Variants in ATP13A5 observed in about 807,000 individuals in gnomAD.
ATP13A5 encodes the protein ATPase 13A5.
A neutral mutation model predicts 150.2 loss-of-function variants in ATP13A5; 149 were observed. That is an observed-to-expected ratio of 0.99 (90% CI 0.87 to 1.14). The LOEUF is 1.14. ATP13A5 is among the 50% of genes most tolerant of loss of function. The probability of loss-of-function intolerance (pLI) is 0.00; values close to 1 mark genes in which losing one functional copy is unlikely to be tolerated. For missense variants in ATP13A5, 1,383 were observed against 1,449.3 expected (o/e 0.95, Z 0.74); for synonymous variants, 497 against 522.2 (o/e 0.95, Z 0.66).
chr3:193,287,094 A>T (rs1444523334), intron 26 of ATP13A5, among the ~76,000 whole-genome samples: 1 of 152,172 alleles, frequency 6.6e-6, no homozygotes, highest in East Asian at 1.9e-4. Context: ...GAAAGAGGTG[A>T]GGAAGCTGCA....
chr3:193,372,976 G>C (rs1239066434), intron 1 of ATP13A5, among the ~76,000 whole-genome samples: 1 of 152,176 alleles, frequency 6.6e-6, no homozygotes, highest in Non-Finnish European at 1.5e-5. Context: ...AAACAGGAGA[G>C]AGCCAACAGG....
intron 14 of ATP13A5, chr3:193,324,013 T>G (rs1026460020): frequency 6.6e-6 from 1 of 152,156 alleles, no homozygotes; most frequent in African/African-American, 2.4e-5. Flanking sequence ...GTTTGGCTCT[T>G]CATTGTGCTC....
Position 193,338,140 on chromosome 3 carries a change from G to A in ATP13A5, c.944-3041C>T, listed in dbSNP as rs541409151. 2.3e-3 allele frequency among the ~76,000 whole-genome samples: 350 copies of A among 152,228 alleles called. 3 individuals are homozygous for A. Among genetic ancestry groups the A allele is most frequent in the African/African-American group, 7.8e-3 (323 of 41,556 alleles). On this transcript the variant is annotated intron_variant, in intron 9 of 29. Coordinates refer to ENST00000342358, the MANE Select transcript of ATP13A5 (RefSeq NM_198505.4). The stretch of plus-strand genomic sequence containing the variant: ...GCTTAAGGAGATTTTGTGCTGAGAC[G>A]ATGGGGTTTTCTAAATATACAATCA...
At chr3:193,352,328 C>T (rs1712594430) in intron 6 of ATP13A5, among the ~76,000 whole-genome samples, 1 of 152,160 alleles carries the variant, frequency 6.6e-6, no homozygotes, top group African/African-American at 2.4e-5. Context: ...ATAAAATGCT[C>T]TGATTGTAGA....
chr3:193,324,536 A>T (rs1445214234), intron 14 of ATP13A5, among the ~76,000 whole-genome samples: 1 of 152,150 alleles, frequency 6.6e-6, no homozygotes, highest in East Asian at 1.9e-4. Context: ...TTGAGGTCAG[A>T]TAGGTTCGGT....
Position 193,314,145 on chromosome 3 carries a change from A to T in ATP13A5, c.2207T>A (p.Ile736Asn), listed in dbSNP as rs1333287653. ...AITVAKNSEM[I>N]PPGSQVIIVE... The stretch of plus-strand genomic sequence containing the variant: ...AATGATCACTTGGCTGCCTGGAGGG[A>T]TCATTTCAGAATTCTTTGCAACAGT... Residue 736 changes from isoleucine (I) to asparagine (N), a missense_variant, in exon 19 of 30, where the codon ATC becomes AAC. Physicochemically the swap from Ile to Asn is moderately radical, Grantham distance 149 (BLOSUM62 -3). Coordinates refer to ENST00000342358, the MANE Select transcript of ATP13A5 (RefSeq NM_198505.4). 6.2e-7 allele frequency: 1 copy of T among 1,613,866 alleles called. No homozygotes were observed. Among genetic ancestry groups the T allele is most frequent in the Non-Finnish European group, 8.5e-7 (1 of 1,179,844 alleles).
chr3:193,365,103 C>T (rs548375054), intron 1 of ATP13A5, among the ~76,000 whole-genome samples: 2 of 152,136 alleles, frequency 1.3e-5, no homozygotes, highest in African/African-American at 2.4e-5. Context: ...CATTTTGAAG[C>T]CCCTGAGGGA....
chr3:193,293,851 G>C (rs1718061790), intron 25 of ATP13A5, among the ~76,000 whole-genome samples: 2 of 151,996 alleles, frequency 1.3e-5, no homozygotes, highest in South Asian at 4.1e-4. Context: ...CAGATGGGGT[G>C]TACGAGATGC....
chr3:193,372,809 A>G (rs1713499071), intron 1 of ATP13A5, among the ~76,000 whole-genome samples: 1 of 152,232 alleles, frequency 6.6e-6, no homozygotes, highest in Non-Finnish European at 1.5e-5. Context: ...GTTACATTGC[A>G]TCTTGCCAAT....
At chr3:193,318,305 TA>T in intron 17 of ATP13A5, among the ~76,000 whole-genome samples, 1 of 152,346 alleles carries the variant, frequency 6.6e-6, no homozygotes, top group Non-Finnish European at 1.5e-5. Context: ...ATGTAAGAAA[TA>T]AATAGATTTT....
Position 193,275,273 on chromosome 3 carries a change from C to T in ATP13A5, c.3426G>A (p.Trp1142Ter). Residue 1142 changes from tryptophan (W) to a stop codon, truncating the protein, a stop_gained, in exon 30 of 30, where the codon TGG becomes TGA. Transcript: ENST00000342358. LOFTEE classifies it high-confidence loss of function. ...EDSILQNHEL[W>*]LLIKREFGFY... ...ATCCAAATTCTCTTTTGATCAACAG[C>T]CAGAGTTCATGATTTTGAAGGATGG... 2 of 1,613,760 alleles carry T rather than the reference C, an allele frequency of 1.2e-6. No individual in the cohort carries two copies. Among genetic ancestry groups the T allele is most frequent in the East Asian group, 2.2e-5 (1 of 44,882 alleles).
intron 1 of ATP13A5, among the ~76,000 whole-genome samples, chr3:193,374,268 A>G (rs912207372): frequency 6.9e-6 from 1 of 143,896 alleles, no homozygotes; most frequent in Non-Finnish European, 1.5e-5. Context: ...TAATCTGTGC[A>G]TGTATTTGCA....
At chr3:193,320,638 A>ACCTCTAAGGTTTT (rs6148253) in intron 16 of ATP13A5, among the ~76,000 whole-genome samples, 1 of 147,842 alleles carries the variant, frequency 6.8e-6, no homozygotes, top group African/African-American at 2.6e-5. Context: ...AAAAGGGGCT[A>ACCTCTAAGGTTTT]AAAAAAGACT....
chr3:193,292,773 C>A (rs1718021339), intron 25 of ATP13A5, among the ~76,000 whole-genome samples: 1 of 152,030 alleles, frequency 6.6e-6, no homozygotes, highest in African/African-American at 2.4e-5. Context: ...AGAATAACTG[C>A]CTGATGGTAT....
At position 193,279,424 on chromosome 3, in the gene ATP13A5, A is replaced by C; in HGVS notation, c.3257T>G (p.Leu1086Trp). The change falls in exon 28 of 30, where the codon TTG (leucine) becomes TGG (tryptophan). Residue 1086 changes from leucine (L) to tryptophan (W), a missense_variant. Physicochemically the swap from Leu to Trp is moderately conservative, Grantham distance 61. This residue lies in a region of ATP13A5 where 568 missense variants were observed against 621.5 expected (regional missense o/e 0.91). Coordinates refer to ENST00000342358, the MANE Select transcript of ATP13A5 (RefSeq NM_198505.4). ...AAACAGAATGAAAATTGTGAGGCCC[A>C]AGGCAGCTAGCAGCAGAAATGAAAA... ...YIFSFLLLAA[L>W]GLTIFILFSD... is the part of the protein sequence containing the mutation. 1.2e-6 allele frequency: 2 copies of C among 1,613,892 alleles called. No homozygotes were observed. The highest frequency in any genetic ancestry group is 1.7e-6 in the Non-Finnish European group (2 of 1,179,816).
chr3:193,362,517 G>T (rs573905520), intron 4 of ATP13A5, 50 bp downstream of exon 4: 1 of 1,612,744 alleles, frequency 6.2e-7, no homozygotes, highest in Non-Finnish European at 8.5e-7. Flanking sequence ...CAACAAATCA[G>T]TGTTTTTCCC....
At chr3:193,317,497 G>C (rs1194408106) in intron 17 of ATP13A5, among the ~76,000 whole-genome samples, 3 of 152,122 alleles carry the variant, frequency 2.0e-5, no homozygotes, top group Non-Finnish European at 4.4e-5. Context: ...CTGGTGAAGG[G>C]GTGAGCCTTG....
chr3:193,363,137 C>T (rs1577372852), intron 3 of ATP13A5, 99 bp downstream of exon 3: 2 of 1,371,432 alleles, frequency 1.5e-6, no homozygotes, highest in Non-Finnish European at 2.0e-6. Flanking sequence ...CTGTCATTCC[C>T]ATTCCAAAAG....
At chr3:193,343,873 T>C (rs1188833307) in intron 9 of ATP13A5, 54 bp downstream of exon 9, 1 of 1,580,624 alleles carries the variant, frequency 6.3e-7, no homozygotes, top group Non-Finnish European at 8.6e-7. Flanking sequence ...TGAGGATATG[T>C]TGATCTGATT....
Sources: allele counts gnomAD v4.1 joint callset (sites outside exome capture counted in the v4.1 genomes callset), GRCh38; gene constraint gnomAD v4.1.1; regional missense constraint gnomAD v4.1.1; transcripts MANE v1.5; gene names NCBI Gene and HGNC (gene_info 2026-07-23, HGNC 2026-07-21).